Variants in INSL6 observed in about 807,000 individuals in gnomAD.
INSL6 encodes insulin like 6, also known as insulin-like peptide INSL6.
A neutral mutation model predicts 9.4 loss-of-function variants in INSL6; 16 were observed. The ratio of observed to expected loss-of-function variants is 1.70; its 90% CI spans 1.15 to 2.59. The LOEUF is 2.59. Among genes scored for constraint, INSL6 ranks in the 30% most tolerant of loss-of-function variants. The pLI, the probability that INSL6 is intolerant of heterozygous loss-of-function variation, is 0.00. For missense variants in INSL6, 391 were observed against 257.3 expected (o/e 1.52, Z -3.56); for synonymous variants, 154 against 96.9 (o/e 1.59, Z -3.46).
At chr9:5,165,341 T>C (rs1299816884) in intron 1 of INSL6, among the ~76,000 whole-genome samples, 4 of 152,216 alleles carry the variant, frequency 2.6e-5, no homozygotes, top group African/African-American at 7.2e-5. Context: ...GTTTGATGTT[T>C]TGAGGAACTG....
At chr9:5,175,964 T>G (rs1221026989) in intron 1 of INSL6, among the ~76,000 whole-genome samples, 1 of 152,162 alleles carries the variant, frequency 6.6e-6, no homozygotes, top group Non-Finnish European at 1.5e-5. Context: ...CATCTGAAAA[T>G]CATTCCCCTC....
In INSL6 at chr9:5,177,816, G is replaced by T. The variant is rs933832060; in HGVS notation, c.289+7498C>A. 2.0e-5 allele frequency among the ~76,000 whole-genome samples: 3 copies of T among 152,092 alleles called. No individual in the cohort carries two copies. In the East Asian group the frequency reaches 5.8e-4, roughly 29 times the overall value. On this transcript the variant is annotated intron_variant, in intron 1 of 1. Transcript: ENST00000381641. Reference sequence around the variant, plus strand: ...GAATCCAAACAGTCCAGAGGAGGAAGGTACCCCACAACACAGCACAGCTGC... The same window carrying T: ...GAATCCAAACAGTCCAGAGGAGGAATGTACCCCACAACACAGCACAGCTGC...
chr9:5,123,083 CT>C, downstream of INSL6: 1 of 1,610,834 alleles, frequency 6.2e-7, no homozygotes, highest in Non-Finnish European at 8.5e-7. Flanking sequence ...TCTGTATGAA[CT>C]TTTCACATAC....
chr9:5,148,872 A>ACACT (rs1168905963), intron 2 of INSL6, among the ~76,000 whole-genome samples: 1 of 152,212 alleles, frequency 6.6e-6, no homozygotes, highest in Non-Finnish European at 1.5e-5. Flanking sequence ...TTCACTGATT[A>ACACT]CACTACATAC....
chr9:5,132,585 C>T (rs908391579), intron 3 of INSL6, among the ~76,000 whole-genome samples: 1 of 151,714 alleles, frequency 6.6e-6, no homozygotes, highest in Non-Finnish European at 1.5e-5. Context: ...TATTGCATAC[C>T]ACTTCAGACT....
chr9:5,048,411 G>A, the INSL6 span, among the ~76,000 whole-genome samples: 1 of 152,122 alleles, frequency 6.6e-6, no homozygotes, highest in Non-Finnish European at 1.5e-5. Context: ...AAAGTGCTGG[G>A]ATTACAGGTG....
chr9:5,123,108 A>T, downstream of INSL6: 1 of 1,597,032 alleles, frequency 6.3e-7, no homozygotes, highest in Non-Finnish European at 8.6e-7. Context: ...GAGAAGAGTA[A>T]AAGTCCACCA....
At chr9:5,116,143 T>A in the INSL6 span, among the ~76,000 whole-genome samples, 1 of 152,218 alleles carries the variant, frequency 6.6e-6, no homozygotes, top group South Asian at 2.1e-4. Flanking sequence ...TTAATCCTCA[T>A]AACAACCCTT....
the INSL6 span, among the ~76,000 whole-genome samples, chr9:5,011,119 T>C: frequency 6.6e-6 from 1 of 152,212 alleles, no homozygotes; most frequent in Non-Finnish European, 1.5e-5. Context: ...TGGATTCAGA[T>C]GAACTTTTTG....
chr9:5,057,832 C>T, the INSL6 span, among the ~76,000 whole-genome samples: 1 of 152,038 alleles, frequency 6.6e-6, no homozygotes, highest in Non-Finnish European at 1.5e-5. Flanking sequence ...CCGCCTGCCT[C>T]ATCCTCCCAA....
chr9:5,078,385 A>G, the INSL6 span: 2 of 1,613,098 alleles, frequency 1.2e-6, no homozygotes, highest in South Asian at 2.2e-5. Flanking sequence ...AAGACAGGAA[A>G]TCCTCCTTTC....
At chr9:5,023,693 T>C in the INSL6 span, among the ~76,000 whole-genome samples, 2 of 152,234 alleles carry the variant, frequency 1.3e-5, no homozygotes, top group Non-Finnish European at 2.9e-5. Context: ...TCCTTGCTTT[T>C]CTGTTGAATA....
the INSL6 span, among the ~76,000 whole-genome samples, chr9:5,028,857 C>G: frequency 6.6e-6 from 1 of 152,204 alleles, no homozygotes; most frequent in Admixed American, 6.5e-5. Context: ...TAGGGTTTGG[C>G]TTGAGGGAAT....
chr9:5,111,484 G>T, the INSL6 span: 1 of 377,052 alleles, frequency 2.7e-6, no homozygotes, highest in Admixed American at 3.6e-5. Flanking sequence ...CAGGTGAGGA[G>T]TACGGTAGGG....
the INSL6 span, chr9:5,089,598 C>A: frequency 6.8e-5 from 20 of 294,704 alleles, no homozygotes; most frequent in East Asian, 1.9e-4. Context: ...CTAGAATTTT[C>A]TATATAATTA....
At chr9:5,031,772 G>A in the INSL6 span, among the ~76,000 whole-genome samples, 2 of 152,198 alleles carry the variant, frequency 1.3e-5, no homozygotes, top group East Asian at 3.8e-4. Flanking sequence ...GAAAAGGCAG[G>A]AGGGTGGAGC....
the INSL6 span, among the ~76,000 whole-genome samples, chr9:5,054,403 A>G: frequency 2.6e-5 from 4 of 152,034 alleles, no homozygotes; most frequent in Non-Finnish European, 5.9e-5. This position sits in a 1 kb window ranked among gnomAD's most constrained non-coding sequence, Gnocchi z 4.9. Flanking sequence ...AAAGTTTTAT[A>G]CTGTATGGAT....
At chr9:5,102,322 G>A in the INSL6 span, among the ~76,000 whole-genome samples, 84 of 152,238 alleles carry the variant, frequency 5.5e-4, no homozygotes, top group African/African-American at 1.6e-3. Context: ...GAAATAAAGC[G>A]AGAGGAGAAG....
At chr9:5,135,155 C>G (rs899637826) in intron 2 of INSL6, among the ~76,000 whole-genome samples, 1 of 152,002 alleles carries the variant, frequency 6.6e-6, no homozygotes, top group African/African-American at 2.4e-5. Flanking sequence ...TATATATGCA[C>G]CCAATACAGG....
Sources: allele counts gnomAD v4.1 joint callset (sites outside exome capture counted in the v4.1 genomes callset), GRCh38; gene constraint gnomAD v4.1.1; non-coding constraint Gnocchi (gnomAD v3.1); transcripts MANE v1.5; gene names NCBI Gene and HGNC (gene_info 2026-07-23, HGNC 2026-07-21).